Variants in SH2D4B observed in about 807,000 individuals in gnomAD.
SH2D4B encodes the protein SH2 domain-containing protein 4B.
Under a neutral mutation model 61.5 loss-of-function variants are expected in SH2D4B, and 45 were observed. The observed-to-expected ratio is 0.73, with a 90% CI of 0.58 to 0.94. SH2D4B has a LOEUF of 0.94. Among genes scored for constraint, SH2D4B ranks in the 40% least tolerant of loss-of-function variants. The pLI is 0.00. For missense variants in SH2D4B, 572 were observed against 574.2 expected, an observed-to-expected ratio of 1.00 and a Z score of 0.04; for synonymous variants, 224 against 220.4, an observed-to-expected ratio of 1.02 and a Z score of -0.14.
chr10:80,586,060 C>T lies in SH2D4B; in HGVS notation c.496-2570C>T, dbSNP rs1287156125. On this transcript the variant is annotated intron_variant, in intron 3 of 7. Coordinates refer to ENST00000646907, the MANE Select transcript of SH2D4B (RefSeq NM_001388272.1). ...AGTGTGCTGGGTCCCCCAGCAGTGC[C>T]GGCCCAGCGGCACTGCACTTGATTT... is the stretch of plus-strand genomic sequence containing the variant. Among the ~76,000 whole-genome samples, 8 of 152,178 alleles carry T rather than the reference C, an allele frequency of 5.3e-5. No individual in the cohort carries two copies. The East Asian group carries it at 1.3e-3, about 26-fold the overall frequency.
intron 7 of SH2D4B, among the ~76,000 whole-genome samples, chr10:80,636,115 A>G (rs1441228572): frequency 6.6e-6 from 1 of 152,182 alleles, no homozygotes; most frequent in East Asian, 1.9e-4. Flanking sequence ...TGTCCCTGCA[A>G]AGGACAGGAA....
intron 1 of SH2D4B, among the ~76,000 whole-genome samples, chr10:80,562,589 G>C (rs1043132900): frequency 6.6e-6 from 1 of 152,198 alleles, no homozygotes; most frequent in African/African-American, 2.4e-5. Flanking sequence ...GAATATGGGA[G>C]TTCAGATAAC....
At chr10:80,560,809 C>T (rs1214977907) in intron 1 of SH2D4B, among the ~76,000 whole-genome samples, 1 of 143,608 alleles carries the variant, frequency 7.0e-6, no homozygotes, top group Non-Finnish European at 1.5e-5. Flanking sequence ...TGAGGATTTT[C>T]CTGGAGGTCT....
At chr10:80,577,947 G>A (rs1384894288) in intron 3 of SH2D4B, among the ~76,000 whole-genome samples, 1 of 151,316 alleles carries the variant, frequency 6.6e-6, no homozygotes, top group Non-Finnish European at 1.5e-5. Context: ...CATTGGGTTA[G>A]AGATTGGCTT....
chr10:80,606,227 C>T (rs1369297299), intron 5 of SH2D4B, among the ~76,000 whole-genome samples: 1 of 149,488 alleles, frequency 6.7e-6, no homozygotes, highest in East Asian at 1.9e-4. Context: ...AGGCTTTGGG[C>T]CAAGTGGCCT....
At chr10:80,578,138 T>G (rs914371283) in intron 3 of SH2D4B, among the ~76,000 whole-genome samples, 8 of 152,010 alleles carry the variant, frequency 5.3e-5, no homozygotes, top group Admixed American at 5.2e-4. Context: ...ACCTGGCTAA[T>G]TTTTGTATTT....
rs183511253 is a variant in SH2D4B, at chr10:80,546,437, A to G, written c.184+7922A>G. Among the ~76,000 whole-genome samples, 41 of 151,734 alleles carry G rather than the reference A, an allele frequency of 2.7e-4. No individual in the cohort carries two copies. The East Asian group carries it at 7.4e-3, about 27-fold the overall frequency. On this transcript the variant is annotated intron_variant, in intron 1 of 7. Transcript: ENST00000646907. Reference sequence around the variant, plus strand: ...TTTTTTCTTTGCATTTACTTGGTGTATATTTGCCTGTATCTCCCACCACAG... The same window carrying G: ...TTTTTTCTTTGCATTTACTTGGTGTGTATTTGCCTGTATCTCCCACCACAG...
Position 80,539,885 on chromosome 10 carries a change from G to A in SH2D4B, c.184+1370G>A, listed in dbSNP as rs1841555646. ...GGGGCAGAGCTGTGACTTGGCTGCA[G>A]GTGGCTGCTGCCAAAGCTGGGGCCT... On this transcript the variant is annotated intron_variant, in intron 1 of 7. Transcript: ENST00000646907. This position sits in a 1 kb window ranked among gnomAD's most constrained non-coding sequence, Gnocchi z 4.9. Among the ~76,000 whole-genome samples, 1 of 152,180 alleles carries A rather than the reference G, an allele frequency of 6.6e-6. No homozygotes were observed. The highest frequency in any genetic ancestry group is 6.5e-5 in the Admixed American group (1 of 15,280).
intron 6 of SH2D4B, among the ~76,000 whole-genome samples, chr10:80,616,515 T>C (rs1377919934): frequency 1.3e-5 from 2 of 152,194 alleles, no homozygotes; most frequent in Non-Finnish European, 2.9e-5. Context: ...GTTGTAATGG[T>C]GTTCCTGAAA....
chr10:80,643,841 C>G, intron 7 of SH2D4B, 152 bp from the exon 8 acceptor site: 1 of 458,476 alleles, frequency 2.2e-6, no homozygotes, highest in Non-Finnish European at 3.7e-6. Flanking sequence ...TTTTTAAAGG[C>G]AGCTCTTTTT....
intron 4 of SH2D4B, among the ~76,000 whole-genome samples, chr10:80,600,510 T>C (rs1345715344): frequency 7.0e-6 from 1 of 143,082 alleles, no homozygotes; most frequent in Non-Finnish European, 1.5e-5. Flanking sequence ...GGAGCTACAG[T>C]GCAGAGTGGC....
chr10:80,570,842 TG>T (rs1244369311), intron 2 of SH2D4B, among the ~76,000 whole-genome samples: 1 of 152,194 alleles, frequency 6.6e-6, no homozygotes, highest in Admixed American at 6.5e-5. Context: ...CATGCATCTT[TG>T]TTTTATTTAC....
chr10:80,569,083 C>T (rs932492361), intron 1 of SH2D4B, among the ~76,000 whole-genome samples: 4 of 152,214 alleles, frequency 2.6e-5, no homozygotes, highest in South Asian at 2.1e-4. Flanking sequence ...ATCCTGTAAT[C>T]AGCGGAATCT....
At chr10:80,581,117 T>A (rs1206017318) in intron 3 of SH2D4B, among the ~76,000 whole-genome samples, 1 of 152,224 alleles carries the variant, frequency 6.6e-6, no homozygotes, top group Non-Finnish European at 1.5e-5. Flanking sequence ...TCACAGTAAA[T>A]GGCCAGTCAT....
At chr10:80,632,406 A>G (rs1418891243) in intron 6 of SH2D4B, among the ~76,000 whole-genome samples, 1 of 152,214 alleles carries the variant, frequency 6.6e-6, no homozygotes, top group East Asian at 1.9e-4. Flanking sequence ...TTATTCATCA[A>G]TGAAAAAGTA....
intron 6 of SH2D4B, among the ~76,000 whole-genome samples, chr10:80,620,250 G>A (rs1211642974): frequency 6.6e-6 from 1 of 152,138 alleles, no homozygotes; most frequent in African/African-American, 2.4e-5. Flanking sequence ...TGTTCTCATG[G>A]TAATGAGTGA....
chr10:80,570,840 T>C (rs1314816954), intron 2 of SH2D4B, among the ~76,000 whole-genome samples: 1 of 152,180 alleles, frequency 6.6e-6, no homozygotes, highest in Non-Finnish European at 1.5e-5. Flanking sequence ...TACATGCATC[T>C]TTGTTTTATT....
intron 1 of SH2D4B, among the ~76,000 whole-genome samples, chr10:80,564,292 T>C (rs898920768): frequency 3.9e-5 from 6 of 152,226 alleles, no homozygotes; most frequent in African/African-American, 1.4e-4. Context: ...AGTCTTCCTT[T>C]TCACAGGCTT....
At chr10:80,634,974 T>C (rs1233477746) in intron 7 of SH2D4B, among the ~76,000 whole-genome samples, 1 of 152,206 alleles carries the variant, frequency 6.6e-6, no homozygotes, top group East Asian at 1.9e-4. Flanking sequence ...ATGTCTCTTA[T>C]TTGAACTCCA....
Sources: gnomAD v4.1 joint callset for allele counts (sites outside exome capture counted in the v4.1 genomes callset) on GRCh38, gnomAD v4.1.1 for gene constraint, Gnocchi (gnomAD v3.1) non-coding constraint, MANE v1.5 for transcripts, NCBI Gene and HGNC (gene_info 2026-07-23, HGNC 2026-07-21) for gene names.